The following CDC42BPA variants were observed in gnomAD, a reference collection of about 807,000 sequenced individuals.
CDC42BPA encodes the protein CDC42 binding protein kinase alpha.
A neutral mutation model predicts 223.5 loss-of-function variants in CDC42BPA; 80 were observed. The observed-to-expected ratio is 0.36, with a 90% CI of 0.30 to 0.43. CDC42BPA has a LOEUF of 0.43. Among genes scored for constraint, CDC42BPA ranks in the 20% least tolerant of loss-of-function variants. The pLI is 1.00. For synonymous variants in CDC42BPA, 694 were observed against 718.6 expected, an observed-to-expected ratio of 0.97 and a Z score of 0.55; for missense variants, 1,743 against 2,099.9, an observed-to-expected ratio of 0.83 and a Z score of 3.32.
intron 5 of CDC42BPA, among the ~76,000 whole-genome samples, chr1:227,173,786 A>G (rs1193138695): frequency 2.0e-5 from 3 of 152,148 alleles, no homozygotes; most frequent in Non-Finnish European, 4.4e-5. Flanking sequence ...ATGTAATAAA[A>G]TCGGTATTCC....
chr1:227,158,917 A>G (rs999293998), intron 6 of CDC42BPA, among the ~76,000 whole-genome samples: 13 of 152,224 alleles, frequency 8.5e-5, no homozygotes, highest in African/African-American at 2.9e-4. Context: ...CAGGTAGTCC[A>G]GCTCTGCTTT....
intron 11 of CDC42BPA, among the ~76,000 whole-genome samples, chr1:227,121,870 G>A (rs957036900): frequency 6.7e-6 from 1 of 148,616 alleles, no homozygotes; most frequent in African/African-American, 2.5e-5. Flanking sequence ...GTGTGATATC[G>A]GCTCACTGCA....
intron 2 of CDC42BPA, among the ~76,000 whole-genome samples, chr1:227,227,667 A>G (rs967401951): frequency 6.6e-6 from 1 of 152,200 alleles, no homozygotes; most frequent in Non-Finnish European, 1.5e-5. Context: ...GCTTTCTGCC[A>G]AACTTTGGAG....
intron 5 of CDC42BPA, 161 bp downstream of exon 5, chr1:227,193,622 TAAC>T (rs899805404): frequency 1.4e-4 from 80 of 564,564 alleles, no homozygotes; most frequent in East Asian, 2.4e-4. Context: ...TGACAAATAA[TAAC>T]AACAACAAAG....
At chr1:227,021,280 CAATGTAGT>C (rs754372577) in intron 32 of CDC42BPA, among the ~76,000 whole-genome samples, 1 of 151,914 alleles carries the variant, frequency 6.6e-6, no homozygotes, top group Non-Finnish European at 1.5e-5. Context: ...GACTTGTAAA[CAATGTAGT>C]ATCTGTGGAG....
rs1316048584 is a variant in CDC42BPA, at chr1:227,207,264, T to C, written c.354+5872A>G. Among the ~76,000 whole-genome samples, 6 of 150,980 alleles carry C rather than the reference T, an allele frequency of 4.0e-5. No homozygotes were observed. In the South Asian group the frequency reaches 1.3e-3, roughly 32 times the overall value. ...ATGTCCCTACAAAGGACATGAACTCTTCACTTTTTATGGCTGCATAGTAAT... is the reference window on the plus strand; with the variant it reads ...ATGTCCCTACAAAGGACATGAACTCCTCACTTTTTATGGCTGCATAGTAAT... On this transcript the variant is annotated intron_variant, in intron 3 of 36. Coordinates refer to ENST00000366766, the MANE Select transcript of CDC42BPA (RefSeq NM_001394014.1).
chr1:227,081,857 T>A (rs1680733060), intron 16 of CDC42BPA, among the ~76,000 whole-genome samples: 1 of 152,206 alleles, frequency 6.6e-6, no homozygotes, highest in African/African-American at 2.4e-5. Flanking sequence ...CTCTAAAGAA[T>A]AAGGATCTCT....
intron 5 of CDC42BPA, among the ~76,000 whole-genome samples, chr1:227,175,624 G>T (rs753151640): frequency 6.6e-6 from 1 of 152,064 alleles, no homozygotes; most frequent in Non-Finnish European, 1.5e-5. Flanking sequence ...CACATCTGAT[G>T]AGTTTCTATT....
intron 1 of CDC42BPA, among the ~76,000 whole-genome samples, chr1:227,313,028 T>C: frequency 6.6e-6 from 1 of 152,160 alleles, no homozygotes; most frequent in East Asian, 1.9e-4. Flanking sequence ...CTTAGGTAGT[T>C]CTTTATAGCA....
intron 11 of CDC42BPA, among the ~76,000 whole-genome samples, chr1:227,123,168 C>T (rs759547121): frequency 1.3e-5 from 2 of 151,962 alleles, no homozygotes; most frequent in Non-Finnish European, 1.5e-5. Context: ...CCAGGTGTGG[C>T]GCACACCTAT....
chr1:227,144,600 A>AAAAAAAAAG (rs1660358437), intron 8 of CDC42BPA, among the ~76,000 whole-genome samples: 1 of 145,158 alleles, frequency 6.9e-6, no homozygotes, highest in Non-Finnish European at 1.5e-5. Context: ...AAAAAAAAAA[A>AAAAAAAAAG]AAAAGAGGAA....
intron 11 of CDC42BPA, among the ~76,000 whole-genome samples, chr1:227,120,432 CT>C (rs1688474488): frequency 1.3e-5 from 2 of 152,138 alleles, no homozygotes; most frequent in South Asian, 4.1e-4. Context: ...ATCTGAAAAA[CT>C]CCTGATCTAA....
At chr1:227,261,464 G>A (rs755461618) in intron 1 of CDC42BPA, among the ~76,000 whole-genome samples, 28 of 150,456 alleles carry the variant, frequency 1.9e-4, no homozygotes, top group Non-Finnish European at 4.0e-4. Context: ...GCATATATGG[G>A]CTTGACAACA....
chr1:227,048,827 C>T (rs1297500344), intron 22 of CDC42BPA, among the ~76,000 whole-genome samples: 1 of 149,280 alleles, frequency 6.7e-6, no homozygotes, highest in South Asian at 2.1e-4. Flanking sequence ...AAGGAAAACG[C>T]TAGTCTTTGT....
intron 1 of CDC42BPA, among the ~76,000 whole-genome samples, chr1:227,262,769 T>TA (rs1321924172): frequency 6.6e-6 from 1 of 152,220 alleles, no homozygotes; most frequent in Non-Finnish European, 1.5e-5. Flanking sequence ...GGAATTAAGA[T>TA]ACGGTGTTCT....
intron 10 of CDC42BPA, among the ~76,000 whole-genome samples, chr1:227,132,115 AC>A (rs1657233826): frequency 6.6e-6 from 1 of 150,984 alleles, no homozygotes; most frequent in Admixed American, 6.6e-5. Context: ...AAGAAATTCA[AC>A]CCTCTCCCTC....
chr1:227,201,748 CA>C (rs1189951720), intron 3 of CDC42BPA, among the ~76,000 whole-genome samples: 2 of 147,966 alleles, frequency 1.4e-5, no homozygotes, highest in African/African-American at 5.0e-5. Context: ...GGTCTTTATA[CA>C]AATGAGATTA....
chr1:227,270,065 T>C (rs1352507678), intron 1 of CDC42BPA, among the ~76,000 whole-genome samples: 1 of 152,140 alleles, frequency 6.6e-6, no homozygotes, highest in Non-Finnish European at 1.5e-5. Flanking sequence ...GGGATATCCA[T>C]GCCACAAAAC....
At chr1:227,271,845 C>T (rs548841708) in intron 1 of CDC42BPA, among the ~76,000 whole-genome samples, 52 of 152,220 alleles carry the variant, frequency 3.4e-4, no homozygotes, top group Admixed American at 3.3e-3. Flanking sequence ...CATTACATGC[C>T]TTCTTTCGAG....
Sources: gnomAD v4.1 joint callset for allele counts (sites outside exome capture counted in the v4.1 genomes callset) on GRCh38, gnomAD v4.1.1 for gene constraint, MANE v1.5 for transcripts, NCBI Gene and HGNC (gene_info 2026-07-23, HGNC 2026-07-21) for gene names.